ZZEF1: variants seen among roughly 807,000 people sequenced by gnomAD.
The protein encoded by ZZEF1 is zinc finger ZZ-type and EF-hand domain containing 1.
ZZEF1 carries 157 observed loss-of-function variants against 342.8 expected under a neutral mutation model. The ratio of observed to expected loss-of-function variants is 0.46; its 90% CI spans 0.40 to 0.52. The LOEUF is 0.52. Ranked by LOEUF, ZZEF1 falls within the 20% of genes least tolerant of loss-of-function variation. ZZEF1 has a pLI of 0.00. For missense variants in ZZEF1, 3,480 were observed against 3,725.6 expected, an observed-to-expected ratio of 0.93 and a Z score of 1.72; for synonymous variants, 1,505 against 1,429.1, an observed-to-expected ratio of 1.05 and a Z score of -1.20.
At chr17:4,052,840 C>T (rs1332170805) in intron 34 of ZZEF1, among the ~76,000 whole-genome samples, 2 of 147,280 alleles carry the variant, frequency 1.4e-5, no homozygotes, top group African/African-American at 5.2e-5. Context: ...GTACTCTAGC[C>T]TGAGGGACAG....
At position 4,056,318 on chromosome 17, in the gene ZZEF1, A is replaced by G; in HGVS notation, c.5193T>C (p.Ala1731=). Residue 1731 remains alanine (A), a synonymous_variant, in exon 33 of 55, where the codon GCT becomes GCC. Coordinates refer to ENST00000381638, the MANE Select transcript of ZZEF1 (RefSeq NM_015113.4). ...ISQWSEEDEL[A]DAKQNSEWMD... The stretch of plus-strand genomic sequence containing the variant: ...TCCATTCTGAATTCTGCTTGGCATC[A>G]GCAAGCTCATCTTCTTCACTCCATT... 6.2e-7 allele frequency: 1 copy of G among 1,600,082 alleles called. No individual in the cohort carries two copies. Among genetic ancestry groups the G allele is most frequent in the East Asian group, 2.2e-5 (1 of 44,452 alleles).
chr17:4,085,948 T>TA (rs35992137), intron 15 of ZZEF1, 145 bp from the exon 16 acceptor site: 486,160 of 874,326 alleles, frequency 0.56, 143,944 homozygotes, highest in East Asian at 0.69. Flanking sequence ...CCAGGCAGTA[T>TA]AAAAAAATAT....
chr17:4,085,934 C>T (rs1408000173), intron 15 of ZZEF1, 131 bp from the exon 16 acceptor site: 4 of 1,130,288 alleles, frequency 3.5e-6, no homozygotes, highest in Non-Finnish European at 4.9e-6. Context: ...TATTTCTGTA[C>T]AGGCCAGGCA....
chr17:4,015,291 C>G (rs2727072), intron 49 of ZZEF1, among the ~76,000 whole-genome samples: 46,379 of 152,112 alleles, frequency 0.3, 9,090 homozygotes, highest in African/African-American at 0.56. Flanking sequence ...AGGAACATGA[C>G]AAGAGAAGAG....
At chr17:4,056,422 T>G in intron 32 of ZZEF1, 77 bp from the exon 33 acceptor site, 2 of 1,417,726 alleles carry the variant, frequency 1.4e-6, no homozygotes, top group South Asian at 3.4e-5. Context: ...AGACCCTGTG[T>G]CTATAGGTCT....
chr17:4,061,688 C>A (rs889274033), intron 30 of ZZEF1, among the ~76,000 whole-genome samples: 5 of 152,170 alleles, frequency 3.3e-5, no homozygotes, highest in African/African-American at 1.2e-4. Context: ...GCTGTTCACT[C>A]CCAAATCCTA....
chr17:4,077,120 G>T (rs1212807455), intron 19 of ZZEF1, 131 bp from the exon 20 acceptor site: 17 of 821,210 alleles, frequency 2.1e-5, no homozygotes, highest in Non-Finnish European at 3.4e-6. Flanking sequence ...CACAAGGCCA[G>T]CAAGTGCCGT....
chr17:4,108,549 A>G (rs1039374044), intron 6 of ZZEF1, among the ~76,000 whole-genome samples: 3 of 152,176 alleles, frequency 2.0e-5, no homozygotes, highest in African/African-American at 7.2e-5. Context: ...AACGTGCAAA[A>G]CTTGCAGGGA....
At chr17:4,026,523 CTTTT>C (rs1237651408) in intron 42 of ZZEF1, among the ~76,000 whole-genome samples, 1 of 140,182 alleles carries the variant, frequency 7.1e-6, no homozygotes, top group Non-Finnish European at 1.6e-5. Context: ...TTTTTTTTTT[CTTTT>C]TTTTTTTTTT....
intron 1 of ZZEF1, among the ~76,000 whole-genome samples, chr17:4,141,189 G>A (rs887338260): frequency 5.3e-5 from 8 of 152,206 alleles, no homozygotes; most frequent in African/African-American, 1.2e-4. Flanking sequence ...GATTACAGGC[G>A]TGAGCCACTG....
At position 4,014,278 on chromosome 17, in the gene ZZEF1, TC is replaced by T; in HGVS notation, c.8314+68del. The stretch of plus-strand genomic sequence containing the variant: ...TGGGTTTCAACATTCTCCAGTAAGT[TC>T]CCTTCTCAATATTAAGTTTAAACAC... On this transcript the variant is annotated intron_variant, in intron 50 of 54. Transcript: ENST00000381638. The surrounding 1 kb of genome is among the most constrained non-coding windows in gnomAD (Gnocchi z 4.4). 1 of 1,610,864 alleles carries T rather than the reference TC, an allele frequency of 6.2e-7. No individual in the cohort carries two copies. The highest frequency in any genetic ancestry group is 1.1e-5 in the South Asian group (1 of 90,982).
At chr17:4,053,773 A>G (rs2057099135) in intron 34 of ZZEF1, among the ~76,000 whole-genome samples, 1 of 152,232 alleles carries the variant, frequency 6.6e-6, no homozygotes, top group Admixed American at 6.5e-5. Context: ...TCAGAAGCAA[A>G]CACTATTTCC....
Position 4,112,955 on chromosome 17 carries a change from G to A in ZZEF1, c.867-147C>T, listed in dbSNP as rs1249857493. 7.5e-6 allele frequency: 5 copies of A among 665,168 alleles called. No individual in the cohort carries two copies. In the East Asian group the frequency reaches 1.5e-4, roughly 20 times the overall value. The allele number at this position is 665,168 out of a possible 1,614,324, so 41.2% of individuals were successfully genotyped here. A position where few individuals can be genotyped will look rare whatever the true frequency, so the allele number is the denominator to read the frequency against. ...AACTAACTTGAAATGCTGGCTATGAGTTTCAAAGTCCTTCTGACCTTGACC... is the reference window on the plus strand; with the variant it reads ...AACTAACTTGAAATGCTGGCTATGAATTTCAAAGTCCTTCTGACCTTGACC... On this transcript the variant is annotated intron_variant, in intron 4 of 54. Transcript: ENST00000381638.
intron 9 of ZZEF1, among the ~76,000 whole-genome samples, chr17:4,098,326 C>T (rs1006226550): frequency 6.6e-6 from 1 of 151,580 alleles, no homozygotes; most frequent in Admixed American, 6.6e-5. Context: ...GTGGGAGGAT[C>T]GCTTGAGCCT....
intron 26 of ZZEF1, among the ~76,000 whole-genome samples, chr17:4,070,265 T>C (rs2057482819): frequency 6.6e-6 from 1 of 152,230 alleles, no homozygotes; most frequent in Non-Finnish European, 1.5e-5. Context: ...TAATTGGAAT[T>C]TCTTAGAATG....
At chr17:4,074,079 C>T (rs1418512621) in intron 24 of ZZEF1, 71 bp downstream of exon 24, 2 of 1,564,156 alleles carry the variant, frequency 1.3e-6, no homozygotes, top group African/African-American at 1.4e-5. Context: ...AAACGACCTA[C>T]AAGAGGGCAA....
rs763269631 is a variant in ZZEF1 at position 4,050,864 on chromosome 17, T to C, written c.5780A>G (p.Gln1927Arg). ...EDVDGEKLDPQTRSSATTLRS... is the reference protein window; with the variant it reads ...EDVDGEKLDPRTRSSATTLRS... Reference sequence around the variant, plus strand: ...CAGGGTGGTGGCACTGCTGCGCGTCTGGGGGTCCAGCTTCTCCCCATCCAC... The same window carrying C: ...CAGGGTGGTGGCACTGCTGCGCGTCCGGGGGTCCAGCTTCTCCCCATCCAC... The change falls in exon 36 of 55, where the codon CAG becomes CGG. Residue 1927 changes from glutamine (Q) to arginine (R), a missense_variant. Physicochemically the swap from Gln to Arg is conservative, Grantham distance 43. Around this residue, in one of 5 missense-constraint regions of ZZEF1, gnomAD observed 1,269 missense variants for 1,342.4 expected, o/e 0.95. Transcript: ENST00000381638. 4 of 1,614,190 alleles carry C rather than the reference T, an allele frequency of 2.5e-6. No homozygotes were observed. The South Asian group carries it at 4.4e-5, about 18-fold the overall frequency.
chr17:4,025,916 A>G (rs2056393209), intron 42 of ZZEF1, among the ~76,000 whole-genome samples: 1 of 152,248 alleles, frequency 6.6e-6, no homozygotes, highest in African/African-American at 2.4e-5. Flanking sequence ...TCCAAGCTGC[A>G]AAGTGGGAAG....
intron 42 of ZZEF1, among the ~76,000 whole-genome samples, chr17:4,029,664 C>G (rs989916596): frequency 6.6e-6 from 1 of 151,924 alleles, no homozygotes; most frequent in Non-Finnish European, 1.5e-5. Context: ...TCACTGAGGT[C>G]AGGAGTTCGA....
Sources: gnomAD v4.1 joint callset for allele counts (sites outside exome capture counted in the v4.1 genomes callset) on GRCh38, gnomAD v4.1.1 for gene constraint, gnomAD v4.1.1 regional missense constraint, Gnocchi (gnomAD v3.1) non-coding constraint, MANE v1.5 for transcripts, NCBI Gene and HGNC (gene_info 2026-07-23, HGNC 2026-07-21) for gene names.